Variants in SPTLC3 observed in about 807,000 individuals in gnomAD.
The protein encoded by SPTLC3 is serine palmitoyltransferase long chain base subunit 3, also known as serine palmitoyltransferase 3.
Under a neutral mutation model 59.3 loss-of-function variants are expected in SPTLC3, and 36 were observed. The observed-to-expected ratio is 0.61, with a 90% CI of 0.47 to 0.80. The LOEUF (loss-of-function observed/expected upper bound fraction) is 0.80, where lower values mean the gene tolerates loss of function less well. Ranked by LOEUF, SPTLC3 falls within the 30% of genes least tolerant of loss-of-function variation. The pLI is 0.00. For missense variants in SPTLC3, 625 were observed against 685.1 expected (o/e 0.91, Z 0.98); for synonymous variants, 257 against 240.8 (o/e 1.07, Z -0.62).
chr20:13,023,504 A>G (rs1011171707), intron 1 of SPTLC3, among the ~76,000 whole-genome samples: 6 of 152,302 alleles, frequency 3.9e-5, no homozygotes, highest in Non-Finnish European at 8.8e-5. Context: ...GTTTTTACAA[A>G]TCTGTTCTTT....
At chr20:13,043,615 C>A (rs4814184) in intron 1 of SPTLC3, among the ~76,000 whole-genome samples, 24,392 of 152,202 alleles carry the variant, frequency 0.16, 2,000 homozygotes, top group Middle Eastern at 0.21. Context: ...TTCATCCTGT[C>A]TCCCTCAAGG....
At chr20:13,059,028 G>A (rs1445648517) in intron 2 of SPTLC3, among the ~76,000 whole-genome samples, 2 of 152,200 alleles carry the variant, frequency 1.3e-5, no homozygotes, top group African/African-American at 4.8e-5. Context: ...TGTTCAAGAG[G>A]TGACCAAAGA....
chr20:13,153,920 TA>T, intron 9 of SPTLC3, 82 bp from the exon 10 acceptor site: 1 of 1,562,320 alleles, frequency 6.4e-7, no homozygotes, highest in East Asian at 2.2e-5. Context: ...CAGAAAGACT[TA>T]AAGATGCTTG....
In SPTLC3 at chr20:13,029,164, T is replaced by C. The variant is rs995753697; in HGVS notation, c.117+19780T>C. ...AGCTTATGACAGGAGGGGCTGGCCT[T>C]TTCTTTAAGAATCCATCCTTTCCCA... On this transcript the variant is annotated intron_variant, in intron 1 of 11. Transcript: ENST00000399002. Among the ~76,000 whole-genome samples, 8 of 152,160 alleles carry C rather than the reference T, an allele frequency of 5.3e-5. 1 individual carries two copies. Among genetic ancestry groups the C allele is most frequent in the Admixed American group, 2.6e-4 (4 of 15,264 alleles).
chr20:13,035,362 C>T (rs77567458), intron 1 of SPTLC3, among the ~76,000 whole-genome samples: 7,912 of 152,178 alleles, frequency 0.052, 241 homozygotes, highest in South Asian at 0.083. Flanking sequence ...GCCTGAACAA[C>T]TTGAGTTGAC....
chr20:13,009,617 C>T (rs360530), intron 1 of SPTLC3, among the ~76,000 whole-genome samples: 34,881 of 152,176 alleles, frequency 0.23, 6,241 homozygotes, highest in African/African-American at 0.5. Flanking sequence ...CACACAGCTT[C>T]AGGCTCCCTA....
chr20:13,111,685 T>C (rs1990240544), intron 7 of SPTLC3, among the ~76,000 whole-genome samples: 1 of 152,152 alleles, frequency 6.6e-6, no homozygotes, highest in African/African-American at 2.4e-5. Context: ...ATAGCCCTTA[T>C]CTAAACACCT....
At chr20:13,019,521 C>T (rs112250293) in intron 1 of SPTLC3, among the ~76,000 whole-genome samples, 14 of 152,264 alleles carry the variant, frequency 9.2e-5, no homozygotes, top group African/African-American at 3.1e-4. Context: ...CCTTCACTTT[C>T]CTGAGTTGAT....
At chr20:13,117,408 G>A in intron 7 of SPTLC3, 98 bp from the exon 8 acceptor site, 1 of 1,153,498 alleles carries the variant, frequency 8.7e-7, no homozygotes, top group Non-Finnish European at 1.2e-6. Flanking sequence ...GGAATGGCGT[G>A]TGTCAGGGAA....
chr20:13,054,845 T>G lies in SPTLC3; in HGVS notation c.303+5715T>G, dbSNP rs548191907. Among the ~76,000 whole-genome samples the G allele has an allele frequency of 2.9e-3, 439 of 152,248 alleles. 2 individuals carry two copies. The highest frequency in any genetic ancestry group is 4.5e-3 in the Non-Finnish European group (305 of 68,024). ...CAAAGCCAGGGAAGTAGACAAGATC[T>G]TCCAGGGTAAGTTCATGGAGAAAAA... On this transcript the variant is annotated intron_variant, in intron 2 of 11. Transcript: ENST00000399002.
intron 9 of SPTLC3, among the ~76,000 whole-genome samples, chr20:13,148,636 G>C (rs1209371461): frequency 6.6e-6 from 1 of 152,212 alleles, no homozygotes; most frequent in Non-Finnish European, 1.5e-5. Flanking sequence ...GCTGCAATCA[G>C]ATACCCAGAA....
intron 2 of SPTLC3, among the ~76,000 whole-genome samples, chr20:13,051,620 C>CA (rs1342319150): frequency 6.6e-6 from 1 of 152,214 alleles, no homozygotes; most frequent in African/African-American, 2.4e-5. Context: ...TTTCATCCAA[C>CA]AACCGCAGAA....
chr20:13,156,346 G>A (rs1031120529), intron 10 of SPTLC3, among the ~76,000 whole-genome samples: 9 of 152,160 alleles, frequency 5.9e-5, no homozygotes, highest in South Asian at 4.1e-4. Context: ...AGAAGAGTCC[G>A]TAAGTAGTGA....
Position 13,040,046 on chromosome 20 carries a change from C to CATGT in SPTLC3, c.118-8899_118-8898insATGT, listed in dbSNP as rs1481063308. The stretch of plus-strand genomic sequence containing the variant: ...CCAAATATATAGGTGTATGCATGTA[C>CATGT]GTGTGTGTGTGTGTGTGTGTGTGTG... On this transcript the variant is annotated intron_variant, in intron 1 of 11. Coordinates refer to ENST00000399002, the MANE Select transcript of SPTLC3 (RefSeq NM_018327.4). Among the ~76,000 whole-genome samples the CATGT allele has an allele frequency of 2.0e-5, 3 of 147,910 alleles. No homozygotes were observed. In the East Asian group the frequency reaches 5.9e-4, roughly 29 times the overall value.
At chr20:13,047,788 A>G (rs896264912) in intron 1 of SPTLC3, among the ~76,000 whole-genome samples, 31 of 152,136 alleles carry the variant, frequency 2.0e-4, no homozygotes, top group Admixed American at 4.6e-4. Flanking sequence ...AGACATACAG[A>G]AGAGTAGAAA....
intron 1 of SPTLC3, 35 bp from the exon 2 acceptor site, chr20:13,048,910 G>T (rs762826543): frequency 2.2e-5 from 33 of 1,517,892 alleles, no homozygotes; most frequent in Non-Finnish European, 2.6e-5. Flanking sequence ...TGTAACAGGA[G>T]AATGCTAACC....
intron 9 of SPTLC3, among the ~76,000 whole-genome samples, chr20:13,130,069 A>G (rs113357771): frequency 0.018 from 2,778 of 152,352 alleles, 54 homozygotes; most frequent in South Asian, 0.03. Flanking sequence ...AAGAAAATTG[A>G]CAGAATTATC....
At chr20:13,091,471 G>A (rs1989215863) in intron 5 of SPTLC3, among the ~76,000 whole-genome samples, 1 of 151,904 alleles carries the variant, frequency 6.6e-6, no homozygotes, top group Admixed American at 6.6e-5. Context: ...TACTTGGGAG[G>A]CTAAGGCAGG....
intron 9 of SPTLC3, among the ~76,000 whole-genome samples, chr20:13,150,635 T>C (rs1282729358): frequency 6.6e-6 from 1 of 152,208 alleles, no homozygotes; most frequent in Non-Finnish European, 1.5e-5. Context: ...CCCTTTCAGA[T>C]TCATCCTACT....
Sources: gnomAD v4.1 joint callset for allele counts (sites outside exome capture counted in the v4.1 genomes callset) on GRCh38, gnomAD v4.1.1 for gene constraint, MANE v1.5 for transcripts, NCBI Gene and HGNC (gene_info 2026-07-23, HGNC 2026-07-21) for gene names.